RIOK2: variants seen among roughly 807,000 people sequenced by gnomAD.
The protein encoded by RIOK2 is RIO kinase 2, also known as serine/threonine-protein kinase RIO2.
Under a neutral mutation model 62.4 loss-of-function variants are expected in RIOK2, and 46 were observed. The ratio of observed to expected loss-of-function variants is 0.74; its 90% confidence interval spans 0.58 to 0.94. The LOEUF (loss-of-function observed/expected upper bound fraction) is 0.94. RIOK2 is among the 40% of genes least tolerant of loss of function. The pLI is 0.00. For missense variants in RIOK2, 574 were observed against 658.0 expected (o/e 0.87, Z 1.40); for synonymous variants, 197 against 216.0 (o/e 0.91, Z 0.77).
chr5:97,173,633 T>TCC (rs1749078821), intron 4 of RIOK2, among the ~76,000 whole-genome samples: 1 of 152,174 alleles, frequency 6.6e-6, no homozygotes, highest in African/African-American at 2.4e-5. Flanking sequence ...ATTTTGTAAG[T>TCC]CTCTGACATT....
intron 6 of RIOK2, among the ~76,000 whole-genome samples, chr5:97,169,087 A>G (rs10515254): frequency 0.08 from 12,250 of 152,274 alleles, 866 homozygotes; most frequent in African/African-American, 0.19. Flanking sequence ...TACGGTTAGG[A>G]AAGTCAAGGT....
chr5:97,171,106 A>G (rs1041458523), intron 6 of RIOK2, 100 bp downstream of exon 6: 2 of 774,224 alleles, frequency 2.6e-6, no homozygotes, highest in Non-Finnish European at 3.6e-6. Context: ...AGTTGCAGTG[A>G]GCCGAGATCG....
At position 97,182,787 on chromosome 5, in the gene RIOK2, G is replaced by T. The variant is rs1421421154; in HGVS notation, c.66+339C>A. The T allele has an allele frequency of 3.6e-4, 83 of 228,626 alleles. 5 individuals are homozygous for T. Among genetic ancestry groups the T allele is most frequent in the South Asian group, 3.0e-3 (60 of 19,760 alleles). The allele number at this position is 228,626 out of a possible 1,614,324, so 14.2% of individuals were successfully genotyped here. ...CAATATTATCAAATCTCGGGGGGGG[G>T]GGGGGGCTTAAACCTTTCACAGCTG... On this transcript the variant is annotated intron_variant, in intron 1 of 9. Transcript: ENST00000283109.
At chr5:97,180,154 A>ATGTATATATATATG (rs1749362979) in intron 1 of RIOK2, among the ~76,000 whole-genome samples, 1 of 131,758 alleles carries the variant, frequency 7.6e-6, no homozygotes, top group African/African-American at 2.8e-5. Flanking sequence ...ATATATATAT[A>ATGTATATATATATG]TATATATGTG....
intron 1 of RIOK2, 102 bp downstream of exon 1, chr5:97,183,024 G>C (rs1287872672): frequency 8.1e-7 from 1 of 1,233,690 alleles, no homozygotes. Flanking sequence ...CCACGTCCCG[G>C]GTCCCAGAGT....
At position 97,179,172 on chromosome 5, in the gene RIOK2, G is replaced by C; in HGVS notation, c.88C>G (p.His30Asp). 6.2e-7 allele frequency: 1 copy of C among 1,613,454 alleles called. No homozygotes were observed. Among genetic ancestry groups the C allele is most frequent in the Non-Finnish European group, 8.5e-7 (1 of 1,179,822 alleles). The stretch of plus-strand genomic sequence containing the variant: ...ATCAAACTGCCGGGAACAATTTCAT[G>C]GTTCTTCATGCCCATTTCAACCTGA... ...LTAVEMGMKN[H>D]EIVPGSLIAS... The change falls in exon 2 of 10, where the codon CAT becomes GAT. Residue 30 changes from histidine to aspartate, a missense_variant. Coordinates refer to ENST00000283109, the MANE Select transcript of RIOK2 (RefSeq NM_018343.3).
chr5:97,161,959 A>G lies in RIOK2; in HGVS notation c.*1102T>C, dbSNP rs1450239630. Reference sequence around the variant, plus strand: ...GAGGAATTGGCATTTTCTAGCTTCTATATATTTAAGCCAATTTATTAGATA... The same window carrying G: ...GAGGAATTGGCATTTTCTAGCTTCTGTATATTTAAGCCAATTTATTAGATA... On this transcript the variant is annotated 3_prime_UTR_variant, in exon 10 of 10. Coordinates refer to ENST00000283109, the MANE Select transcript of RIOK2 (RefSeq NM_018343.3). 1 of 151,014 alleles carries G rather than the reference A, an allele frequency of 6.6e-6. No homozygotes were observed. Among genetic ancestry groups the G allele is most frequent in the African/African-American group, 2.5e-5 (1 of 40,462 alleles). 9.4% of individuals were successfully genotyped at this position (151,014 alleles called of 1,614,324 possible). A position where few individuals can be genotyped will look rare whatever the true frequency, so the allele number is the denominator to read the frequency against.
rs1258162708 is a variant in RIOK2, at chr5:97,167,601, GT to G, written c.1262del (p.Asn421ThrfsTer32). ...NSVTEFSEEK[N>X]RTENYNRQDG... ...CTTGCCTGTTGTAATTTTCAGTTCT[GT>G]TTTTCTCCTCAGAAAATTCAGTTAC... On this transcript the variant is annotated frameshift_variant, in exon 8 of 10. Transcript: ENST00000283109. LOFTEE classifies it high-confidence loss of function. 6.2e-7 allele frequency: 1 copy of G among 1,614,150 alleles called. No individual in the cohort carries two copies. The highest frequency in any genetic ancestry group is 1.7e-5 in the Admixed American group (1 of 60,024).
chr5:97,182,782 G>A (rs796892814), intron 1 of RIOK2: 9 of 222,762 alleles, frequency 4.0e-5, no homozygotes, highest in African/African-American at 1.2e-4. Context: ...AAATCTCGGG[G>A]GGGGGGGGGG....
chr5:97,177,631 T>G (rs1749205883), intron 3 of RIOK2, 101 bp downstream of exon 3: 1 of 751,340 alleles, frequency 1.3e-6, no homozygotes, highest in Admixed American at 2.6e-5. Flanking sequence ...CAACTTACTG[T>G]TTAGTTAGAA....
At chr5:97,166,163 T>A (rs1382516544) in intron 8 of RIOK2, 3 of 328,994 alleles carry the variant, frequency 9.1e-6, no homozygotes, top group African/African-American at 2.2e-5. Context: ...TGACTACAGA[T>A]CCTGGGACTT....
Position 97,167,754 on chromosome 5 carries a change from AGAT to A in RIOK2, c.1107_1109del (p.Ser370del), listed in dbSNP as rs1748887603. The stretch of plus-strand genomic sequence containing the variant: ...CTTCCTTTATTTGTTCAGGGTCTCC[AGAT>A]GATCTGCAATAGCAGCCCTCTGATT... On this transcript the variant is annotated inframe_deletion, in exon 8 of 10. Transcript: ENST00000283109. 1.2e-6 allele frequency: 2 copies of A among 1,614,054 alleles called. No individual in the cohort carries two copies. Among genetic ancestry groups the A allele is most frequent in the South Asian group, 2.2e-5 (2 of 91,092 alleles).
rs1440564492 is a variant in RIOK2 at position 97,163,222 on chromosome 5, G to C, written c.1498C>G (p.Leu500Val). 6.2e-7 allele frequency: 1 copy of C among 1,612,572 alleles called. No homozygotes were observed. Among genetic ancestry groups the C allele is most frequent in the South Asian group, 1.1e-5 (1 of 90,914 alleles). ...AVSCSTIPPE[L>V]VKQKVKRQLT... is the part of the protein sequence containing the mutation. The stretch of plus-strand genomic sequence containing the variant: ...TGACGTTTCACCTTCTGTTTCACCA[G>C]TTCCTGGAAAGATTTCATAAATTAG... The change falls in exon 10 of 10, where the codon CTG becomes GTG. Residue 500 changes from leucine to valine, a missense_variant. By Grantham distance (32) the Leu-to-Val change is conservative (BLOSUM62 1). Coordinates refer to ENST00000283109, the MANE Select transcript of RIOK2 (RefSeq NM_018343.3).
rs549706155 is a variant in RIOK2 at position 97,161,237 on chromosome 5, C to G, written c.*1824G>C. ...GGAAGTGTAGAACCAGGATTTAAAT[C>G]TGGAACTCCTAGGCAAAAAAAAGTG... On this transcript the variant is annotated 3_prime_UTR_variant, in exon 10 of 10. Coordinates refer to ENST00000283109, the MANE Select transcript of RIOK2 (RefSeq NM_018343.3). 6.6e-6 allele frequency: 1 copy of G among 152,094 alleles called. No homozygotes were observed. The highest frequency in any genetic ancestry group is 1.5e-5 in the Non-Finnish European group (1 of 68,006). 9.4% of individuals were successfully genotyped at this position (152,094 alleles called of 1,614,324 possible).
intron 1 of RIOK2, 28 bp downstream of exon 1, chr5:97,183,098 G>C: frequency 6.2e-7 from 1 of 1,612,600 alleles, no homozygotes; most frequent in Non-Finnish European, 8.5e-7. Flanking sequence ...TTAAGGGGAA[G>C]GGAGAACAGG....
intron 1 of RIOK2, among the ~76,000 whole-genome samples, chr5:97,180,294 A>G (rs1005961723): frequency 6.6e-6 from 1 of 151,118 alleles, no homozygotes; most frequent in Non-Finnish European, 1.5e-5. Flanking sequence ...GAATACTTCT[A>G]GCTGAGGGAT....
In RIOK2 at chr5:97,173,242, G is replaced by C; in HGVS notation, c.520C>G (p.Pro174Ala). Residue 174 changes from proline to alanine, a missense_variant, in exon 5 of 10, where the codon CCA (proline) becomes GCA (alanine). Physicochemically the swap from Pro to Ala is conservative, Grantham distance 27. Coordinates refer to ENST00000283109, the MANE Select transcript of RIOK2 (RefSeq NM_018343.3). ...TTGTAATCAATTGGCTTTGGAACTGGAAATTTCCTCTCATACAATGCCTAA... is the reference window on the plus strand; with the variant it reads ...TTGTAATCAATTGGCTTTGGAACTGCAAATTTCCTCTCATACAATGCCTAA... ...YMKALYERKF[P>A]VPKPIDYNRH... 6.2e-7 allele frequency: 1 copy of C among 1,612,990 alleles called. No individual in the cohort carries two copies. Among genetic ancestry groups the C allele is most frequent in the Non-Finnish European group, 8.5e-7 (1 of 1,179,362 alleles).
rs1580283538 is a variant in RIOK2 at position 97,183,145 on chromosome 5, T to C, written c.47A>G (p.Asp16Gly). Residue 16 changes from aspartate to glycine, a missense_variant, in exon 1 of 10, where the codon GAC (aspartate) becomes GGC (glycine). Physicochemically the swap from Asp to Gly is moderately conservative, Grantham distance 94. Coordinates refer to ENST00000283109, the MANE Select transcript of RIOK2 (RefSeq NM_018343.3). Reference protein sequence around the residue: ...VAKLRYMSRDDFRVLTAVEMG... With the variant: ...VAKLRYMSRDGFRVLTAVEMG... ...TCTTACCGCGGTCAAGACCCTGAAG[T>C]CATCTCGGCTCATGTAACGCAACTT... 1.2e-6 allele frequency: 2 copies of C among 1,613,934 alleles called. No individual in the cohort carries two copies. The highest frequency in any genetic ancestry group is 2.2e-5 in the East Asian group (1 of 44,846).
chr5:97,181,151 A>G (rs1749397077), intron 1 of RIOK2, among the ~76,000 whole-genome samples: 2 of 151,912 alleles, frequency 1.3e-5, no homozygotes, highest in Non-Finnish European at 2.9e-5. Context: ...GTGCGCCTAT[A>G]GTCCCAGCTA....
Sources: allele counts gnomAD v4.1 joint callset (sites outside exome capture counted in the v4.1 genomes callset), GRCh38; gene constraint gnomAD v4.1.1; transcripts MANE v1.5; gene names NCBI Gene and HGNC (gene_info 2026-07-23, HGNC 2026-07-21).